RSPO2: variants seen among roughly 807,000 people sequenced by gnomAD.
RSPO2 encodes the protein R-spondin-2.
A neutral mutation model predicts 30.9 loss-of-function variants in RSPO2; 14 were observed. The observed-to-expected ratio is 0.45, with a 90% CI of 0.30 to 0.71. The LOEUF (loss-of-function observed/expected upper bound fraction) is 0.71. Ranked by LOEUF, RSPO2 falls within the 30% of genes least tolerant of loss-of-function variation. The probability of loss-of-function intolerance (pLI) is 0.08; values close to 1 mark genes in which losing one functional copy is unlikely to be tolerated. For missense variants in RSPO2, 264 were observed against 301.9 expected, an observed-to-expected ratio of 0.87 and a Z score of 0.93; for synonymous variants, 107 against 96.4, an observed-to-expected ratio of 1.11 and a Z score of -0.64.
chr8:107,962,692 T>C (rs1199280471), intron 3 of RSPO2, among the ~76,000 whole-genome samples: 3 of 152,188 alleles, frequency 2.0e-5, no homozygotes, highest in Non-Finnish European at 4.4e-5. Context: ...CTTGCTATAT[T>C]TTTTTAAAAA....
intron 5 of RSPO2, among the ~76,000 whole-genome samples, chr8:107,919,686 C>G (rs1812091477): frequency 6.6e-6 from 1 of 152,118 alleles, no homozygotes; most frequent in African/African-American, 2.4e-5. Context: ...ACAGCTTCAG[C>G]TCCCTATTAT....
At chr8:107,914,263 G>A (rs1811909563) in intron 5 of RSPO2, among the ~76,000 whole-genome samples, 1 of 152,058 alleles carries the variant, frequency 6.6e-6, no homozygotes. Flanking sequence ...CAGTAACAGT[G>A]AACAGGAACA....
At chr8:108,046,940 A>G (rs575357491) in intron 2 of RSPO2, among the ~76,000 whole-genome samples, 82 of 152,374 alleles carry the variant, frequency 5.4e-4, no homozygotes, top group Non-Finnish European at 9.7e-4. Context: ...TCCCAAGGAC[A>G]ATAGTTGATT....
intron 5 of RSPO2, among the ~76,000 whole-genome samples, chr8:107,909,874 CTA>C (rs1811767678): frequency 6.6e-6 from 1 of 152,178 alleles, no homozygotes; most frequent in African/African-American, 2.4e-5. Flanking sequence ...GTACCAGGCC[CTA>C]TAAGTGCTTT....
chr8:108,036,727 C>A (rs1045851333), intron 2 of RSPO2, among the ~76,000 whole-genome samples: 12 of 152,218 alleles, frequency 7.9e-5, no homozygotes, highest in Non-Finnish European at 1.5e-5. Context: ...TTGAAGGTTT[C>A]TGGCAACCTT....
intron 2 of RSPO2, among the ~76,000 whole-genome samples, chr8:108,044,024 A>T (rs1402330000): frequency 6.6e-6 from 1 of 152,092 alleles, no homozygotes; most frequent in Non-Finnish European, 1.5e-5. Context: ...CCTGATACCC[A>T]GTAGGGTCTT....
chr8:108,033,372 G>T (rs73700372), intron 2 of RSPO2, among the ~76,000 whole-genome samples: 2,000 of 152,242 alleles, frequency 0.013, 45 homozygotes, highest in African/African-American at 0.046. Flanking sequence ...ACTTGTGCCT[G>T]AATCACTGTA....
chr8:107,909,264 T>G (rs868486849), intron 5 of RSPO2, among the ~76,000 whole-genome samples: 75 of 148,720 alleles, frequency 5.0e-4, no homozygotes, highest in South Asian at 2.0e-3. Flanking sequence ...CAGTTGTTTT[T>G]TTTTTTTTTT....
In RSPO2 at chr8:107,901,097, G is replaced by A; in HGVS notation, c.710C>T (p.Ala237Val). The change falls in exon 6 of 6, where the codon GCT becomes GTT. Residue 237 changes from alanine (A) to valine (V), a missense_variant. Physicochemically the swap from Ala to Val is moderately conservative, Grantham distance 64 (BLOSUM62 0). Transcript: ENST00000276659. Reference protein sequence around the residue: ...RAQEQHSVFLATDRANQ With the variant: ...RAQEQHSVFLVTDRANQ ...GTTTTATTGGTTAGCTCTGTCTGTA[G>A]CTAGGAAGACGCTGTGTTGCTCCTG... 6.2e-7 allele frequency: 1 copy of A among 1,614,050 alleles called. No homozygotes were observed.
chr8:108,032,673 C>CA (rs1311366555), intron 2 of RSPO2, among the ~76,000 whole-genome samples: 1 of 152,034 alleles, frequency 6.6e-6, no homozygotes, highest in Non-Finnish European at 1.5e-5. Flanking sequence ...CTCTGTCACC[C>CA]AGGCTGAAGT....
chr8:108,031,758 T>A (rs1391372753), intron 2 of RSPO2, among the ~76,000 whole-genome samples: 3 of 152,122 alleles, frequency 2.0e-5, no homozygotes, highest in Non-Finnish European at 4.4e-5. Flanking sequence ...AAAATGACCT[T>A]GAACAGGAGA....
chr8:107,999,680 C>T (rs569658197), intron 2 of RSPO2, among the ~76,000 whole-genome samples: 29 of 152,228 alleles, frequency 1.9e-4, no homozygotes, highest in African/African-American at 4.1e-4. Flanking sequence ...AGTGATCCGC[C>T]TGCCTCAGCC....
At chr8:108,029,197 G>C (rs1286377711) in intron 2 of RSPO2, among the ~76,000 whole-genome samples, 4 of 149,178 alleles carry the variant, frequency 2.7e-5, no homozygotes, top group African/African-American at 9.9e-5. Context: ...TCTGAATACA[G>C]CCATACTTAT....
chr8:107,963,358 AC>A (rs1338680674), intron 3 of RSPO2, among the ~76,000 whole-genome samples: 1 of 151,456 alleles, frequency 6.6e-6, no homozygotes, highest in Middle Eastern at 3.2e-3. Flanking sequence ...ACATGGTAAA[AC>A]CCCATCTCTA....
intron 5 of RSPO2, among the ~76,000 whole-genome samples, chr8:107,923,640 T>C (rs1244654671): frequency 6.6e-6 from 1 of 152,142 alleles, no homozygotes; most frequent in African/African-American, 2.4e-5. Context: ...GCAGCACTAT[T>C]CACAACAGCC....
chr8:107,985,512 A>G (rs1329798493), intron 3 of RSPO2, among the ~76,000 whole-genome samples: 1 of 152,206 alleles, frequency 6.6e-6, no homozygotes, highest in Non-Finnish European at 1.5e-5. Flanking sequence ...ACAAAACACA[A>G]TGACACATTT....
At chr8:108,082,200 A>C (rs4637793) in intron 2 of RSPO2, among the ~76,000 whole-genome samples, 1 of 152,284 alleles carries the variant, frequency 6.6e-6, no homozygotes, top group East Asian at 1.9e-4. Flanking sequence ...ACAAAAAAAA[A>C]ATGCATGTCA....
At chr8:107,981,758 G>A (rs1050060965) in intron 3 of RSPO2, among the ~76,000 whole-genome samples, 1 of 152,062 alleles carries the variant, frequency 6.6e-6, no homozygotes, top group Non-Finnish European at 1.5e-5. Flanking sequence ...TACTTGCGAG[G>A]CTGAAGTGGG....
intron 2 of RSPO2, among the ~76,000 whole-genome samples, chr8:108,081,433 C>A (rs1487445064): frequency 2.0e-5 from 3 of 152,182 alleles, no homozygotes; most frequent in African/African-American, 7.2e-5. Flanking sequence ...ATGAACCCGG[C>A]GACAAATTCT....
Sources: allele counts gnomAD v4.1 joint callset (sites outside exome capture counted in the v4.1 genomes callset), GRCh38; gene constraint gnomAD v4.1.1; transcripts MANE v1.5; gene names NCBI Gene and HGNC (gene_info 2026-07-23, HGNC 2026-07-21).